Variants in CFAP20DC observed in about 807,000 individuals in gnomAD.
CFAP20DC encodes the protein CFAP20 domain containing.
CFAP20DC carries 84 observed loss-of-function variants against 101.7 expected under a neutral mutation model. That is an observed-to-expected ratio of 0.83 (90% CI 0.69 to 0.99). The LOEUF (loss-of-function observed/expected upper bound fraction) is 0.99. CFAP20DC is among the 50% of genes least tolerant of loss of function. The pLI is 0.00. For missense variants in CFAP20DC, 1,007 were observed against 970.3 expected (o/e 1.04, Z -0.50); for synonymous variants, 359 against 351.2 (o/e 1.02, Z -0.25).
chr3:58,816,269 C>A (rs986133705), intron 14 of CFAP20DC, among the ~76,000 whole-genome samples: 2 of 152,100 alleles, frequency 1.3e-5, no homozygotes. Context: ...AACAAAAAAC[C>A]AAACACCGCG....
rs1212520162 is a variant in CFAP20DC at position 58,742,394 on chromosome 3, T to TA, written c.*65dup. On this transcript the variant is annotated 3_prime_UTR_variant, in exon 17 of 17. Coordinates refer to ENST00000482387, the MANE Select transcript of CFAP20DC (RefSeq NM_001394063.1). ...CAACACATAAGTTGTGGTGACTCCT[T>TA]AAGCGACCCTGAACTGCTATTCTGC... The TA allele has an allele frequency of 6.9e-7, 1 of 1,441,128 alleles. No homozygotes were observed. Among genetic ancestry groups the TA allele is most frequent in the East Asian group, 2.6e-5 (1 of 39,024 alleles). 89.3% of individuals were successfully genotyped at this position (1,441,128 alleles called of 1,614,324 possible).
In CFAP20DC at chr3:58,817,173, A is replaced by C. The variant is rs554723631; in HGVS notation, c.2176-10717T>G. On this transcript the variant is annotated intron_variant, in intron 14 of 16. Coordinates refer to ENST00000482387, the MANE Select transcript of CFAP20DC (RefSeq NM_001394063.1). ...ATCATCAAAGACCAAAAGTAGATAA[A>C]ACCACAAAGATGGGGAAAAAACAGA... Among the ~76,000 whole-genome samples, 1,167 of 151,648 alleles carry C rather than the reference A, an allele frequency of 7.7e-3. 14 individuals are homozygous for C. The highest frequency in any genetic ancestry group is 0.027 in the African/African-American group (1,115 of 41,084).
At chr3:58,763,175 C>T (rs557533453) in intron 15 of CFAP20DC, among the ~76,000 whole-genome samples, 200 of 152,294 alleles carry the variant, frequency 1.3e-3, no homozygotes, top group African/African-American at 4.5e-3. Flanking sequence ...TCAGGTACAC[C>T]AATCAGACGT....
At chr3:58,748,723 A>G (rs530125968) in intron 16 of CFAP20DC, among the ~76,000 whole-genome samples, 19 of 152,294 alleles carry the variant, frequency 1.2e-4, no homozygotes, top group African/African-American at 4.6e-4. Context: ...GCTTCAAGAA[A>G]ATACAACTTC....
intron 4 of CFAP20DC, among the ~76,000 whole-genome samples, chr3:59,012,730 A>G (rs1198763456): frequency 2.6e-5 from 4 of 152,224 alleles, no homozygotes; most frequent in Non-Finnish European, 5.9e-5. Flanking sequence ...TTGAAGGGTA[A>G]GAAAACATAG....
chr3:58,745,895 A>G (rs2107172322), intron 16 of CFAP20DC, among the ~76,000 whole-genome samples: 1 of 152,302 alleles, frequency 6.6e-6, no homozygotes, highest in African/African-American at 2.4e-5. Flanking sequence ...CCTCATATGT[A>G]AAGTACAGAT....
chr3:58,846,856 C>G (rs1288031218), intron 13 of CFAP20DC, among the ~76,000 whole-genome samples: 1 of 149,144 alleles, frequency 6.7e-6, no homozygotes, highest in Non-Finnish European at 1.5e-5. Flanking sequence ...TCAGAAATAA[C>G]GCCGCATATC....
Position 58,852,405 on chromosome 3 carries a change from C to A in CFAP20DC, c.1594-2996G>T, listed in dbSNP as rs200723779. On this transcript the variant is annotated intron_variant, in intron 12 of 16. Transcript: ENST00000482387. ...ATTAATAATGAGAGACTTTAACACC[C>A]CACTGTCAACATTAGACAGATCAAC... Among the ~76,000 whole-genome samples, 644 of 151,722 alleles carry A rather than the reference C, an allele frequency of 4.2e-3. 29 individuals carry two copies. In the East Asian group the frequency reaches 0.084, roughly 20 times the overall value.
intron 3 of CFAP20DC, among the ~76,000 whole-genome samples, chr3:58,734,752 G>T (rs1453921237): frequency 6.6e-6 from 1 of 151,936 alleles, no homozygotes; most frequent in African/African-American, 2.4e-5. Context: ...TCTGCACCAT[G>T]TCACCTCACT....
chr3:58,816,117 C>T lies in CFAP20DC; in HGVS notation c.2176-9661G>A, dbSNP rs554123353. Among the ~76,000 whole-genome samples, 26 of 151,862 alleles carry T rather than the reference C, an allele frequency of 1.7e-4. No individual in the cohort carries two copies. The East Asian group carries it at 4.6e-3, about 27-fold the overall frequency. ...AAAGACTGGGAACCAACCCAAATGT[C>T]CAACAATGATAGACTGGATTAAGAA... On this transcript the variant is annotated intron_variant, in intron 14 of 16. Transcript: ENST00000482387.
intron 4 of CFAP20DC, among the ~76,000 whole-genome samples, chr3:59,031,311 C>G (rs1367512711): frequency 6.6e-6 from 1 of 152,170 alleles, no homozygotes; most frequent in African/African-American, 2.4e-5. Flanking sequence ...TACCAGCACC[C>G]TCACCACTGC....
At chr3:58,921,680 T>C (rs1373753770) in intron 5 of CFAP20DC, among the ~76,000 whole-genome samples, 2 of 152,338 alleles carry the variant, frequency 1.3e-5, no homozygotes, top group Middle Eastern at 3.4e-3. Flanking sequence ...CAATGTGCAC[T>C]TGAAAATTAT....
chr3:58,987,488 T>C (rs2092790735), intron 4 of CFAP20DC, among the ~76,000 whole-genome samples: 1 of 151,702 alleles, frequency 6.6e-6, no homozygotes, highest in South Asian at 2.1e-4. Context: ...ATTAAGAAAA[T>C]AATTGAAATG....
At chr3:58,785,951 C>T (rs931162877) in intron 15 of CFAP20DC, among the ~76,000 whole-genome samples, 5 of 152,078 alleles carry the variant, frequency 3.3e-5, no homozygotes, top group African/African-American at 9.7e-5. Flanking sequence ...CATATATTTA[C>T]CTTCTCACAG....
chr3:58,821,481 A>G (rs867943112), intron 14 of CFAP20DC, among the ~76,000 whole-genome samples: 111 of 152,104 alleles, frequency 7.3e-4, no homozygotes, highest in East Asian at 1.5e-3. Flanking sequence ...AAAAGTGGGC[A>G]AAGGACATGA....
intron 15 of CFAP20DC, among the ~76,000 whole-genome samples, chr3:58,755,341 G>A (rs2068863977): frequency 6.6e-6 from 1 of 152,084 alleles, no homozygotes; most frequent in South Asian, 2.1e-4. Flanking sequence ...GATAAGCACT[G>A]TTTATTTAGG....
At chr3:58,934,579 C>T (rs550983284) in intron 5 of CFAP20DC, among the ~76,000 whole-genome samples, 169 of 152,300 alleles carry the variant, frequency 1.1e-3, no homozygotes, top group Non-Finnish European at 2.0e-3. Context: ...CCACCATGAT[C>T]AAGTGGGCTT....
Position 58,753,824 on chromosome 3 carries a change from G to A in CFAP20DC, c.2277C>T (p.Pro759=). ...LNMLSPPIVP[P]SQQPAEQRPD... ...GACGCTGCTCAGCCGGCTGTTGACTGGGAGGAACGATTGGTGGGCTCAACA... is the reference window on the plus strand; with the variant it reads ...GACGCTGCTCAGCCGGCTGTTGACTAGGAGGAACGATTGGTGGGCTCAACA... The change falls in exon 16 of 17, where the codon CCC becomes CCT. Residue 759 remains proline, a synonymous_variant. Transcript: ENST00000482387. The A allele has an allele frequency of 6.2e-7, 1 of 1,612,772 alleles. No individual in the cohort carries two copies. The highest frequency in any genetic ancestry group is 8.5e-7 in the Non-Finnish European group (1 of 1,179,304).
rs370424677 is a variant in CFAP20DC at position 58,870,324 on chromosome 3, G to T, written c.716-15C>A. ...AATGAACTGATCTGTTTTGTTAAAG[G>T]AAGGTAATAATAGTCCATTAATGGG... On this transcript the variant is annotated splice_polypyrimidine_tract_variant and intron_variant, in intron 7 of 16. Transcript: ENST00000482387. 4.3e-6 allele frequency: 7 copies of T among 1,612,088 alleles called. No individual in the cohort carries two copies. Among genetic ancestry groups the T allele is most frequent in the Non-Finnish European group, 5.9e-6 (7 of 1,178,410 alleles).
Sources: allele counts gnomAD v4.1 joint callset (sites outside exome capture counted in the v4.1 genomes callset), GRCh38; gene constraint gnomAD v4.1.1; transcripts MANE v1.5; gene names NCBI Gene and HGNC (gene_info 2026-07-23, HGNC 2026-07-21).